Variants in PDGFD observed in about 807,000 individuals in gnomAD.
PDGFD encodes the protein platelet derived growth factor D.
A neutral mutation model predicts 44.7 loss-of-function variants in PDGFD; 30 were observed. The ratio of observed to expected loss-of-function variants is 0.67; its 90% CI spans 0.50 to 0.91. The LOEUF (loss-of-function observed/expected upper bound fraction) is 0.91. Among genes scored for constraint, PDGFD ranks in the 40% least tolerant of loss-of-function variants. PDGFD has a pLI of 0.00. For missense variants in PDGFD, 445 were observed against 457.8 expected, an observed-to-expected ratio of 0.97 and a Z score of 0.25; for synonymous variants, 173 against 168.4, an observed-to-expected ratio of 1.03 and a Z score of -0.21.
chr11:103,955,540 C>G (rs1858830007), intron 3 of PDGFD, among the ~76,000 whole-genome samples: 2 of 152,190 alleles, frequency 1.3e-5, no homozygotes, highest in Non-Finnish European at 1.5e-5. Flanking sequence ...AACAAGTATA[C>G]TTTCTTTACA....
intron 1 of PDGFD, among the ~76,000 whole-genome samples, chr11:104,109,622 G>C (rs1243310549): frequency 6.6e-6 from 1 of 152,042 alleles, no homozygotes; most frequent in East Asian, 1.9e-4. Context: ...TTGTAATAAT[G>C]AAAGACTGGA....
chr11:104,064,106 G>A (rs770946239), intron 1 of PDGFD, among the ~76,000 whole-genome samples: 7 of 152,134 alleles, frequency 4.6e-5, no homozygotes, highest in Non-Finnish European at 1.0e-4. Flanking sequence ...CATTCAGAGC[G>A]TCCAAAAATA....
intron 3 of PDGFD, among the ~76,000 whole-genome samples, chr11:103,951,720 G>A (rs1459296282): frequency 6.6e-6 from 1 of 152,026 alleles, no homozygotes; most frequent in Non-Finnish European, 1.5e-5. Flanking sequence ...CCAATGGCTG[G>A]CTCCTCATCA....
chr11:104,079,745 C>T (rs1269566913), intron 1 of PDGFD, among the ~76,000 whole-genome samples: 1 of 151,866 alleles, frequency 6.6e-6, no homozygotes, highest in African/African-American at 2.4e-5. Context: ...CTAGTTTTAC[C>T]AATACATCTA....
chr11:104,082,137 C>CATATAT (rs937501432), intron 1 of PDGFD, among the ~76,000 whole-genome samples: 3 of 123,222 alleles, frequency 2.4e-5, no homozygotes, highest in African/African-American at 1.0e-4. Context: ...TACATACATA[C>CATATAT]ATATATATAT....
At chr11:104,089,995 A>G (rs1281833445) in intron 1 of PDGFD, among the ~76,000 whole-genome samples, 2 of 152,164 alleles carry the variant, frequency 1.3e-5, no homozygotes, top group Non-Finnish European at 2.9e-5. Flanking sequence ...TCCTACCCCT[A>G]TCAATTAATG....
chr11:104,039,542 T>C (rs1482738527), intron 1 of PDGFD, among the ~76,000 whole-genome samples: 2 of 152,154 alleles, frequency 1.3e-5, no homozygotes, highest in Admixed American at 1.3e-4. Context: ...TTTTCTTCTC[T>C]ATAGGTGTTC....
At chr11:104,132,895 G>A (rs79849540) in intron 1 of PDGFD, among the ~76,000 whole-genome samples, 11,018 of 152,148 alleles carry the variant, frequency 0.072, 532 homozygotes, top group East Asian at 0.24. Context: ...GACTGTATTA[G>A]TTAGGATAGG....
chr11:104,160,771 G>A (rs558890718), intron 1 of PDGFD, among the ~76,000 whole-genome samples: 1 of 149,874 alleles, frequency 6.7e-6, no homozygotes, highest in South Asian at 2.2e-4. Context: ...CAGGTAGAAA[G>A]GCTCTGCAGA....
chr11:104,022,344 T>C (rs1201888905), intron 1 of PDGFD, among the ~76,000 whole-genome samples: 2 of 152,182 alleles, frequency 1.3e-5, no homozygotes, highest in Non-Finnish European at 2.9e-5. Flanking sequence ...AGATTAATAG[T>C]TGGACTCAAC....
At chr11:104,163,715 T>G in intron 1 of PDGFD, 89 bp downstream of exon 1, 1 of 1,401,290 alleles carries the variant, frequency 7.1e-7, no homozygotes, top group Non-Finnish European at 9.5e-7. Context: ...CATTCAAGAT[T>G]CAAAAAGAAA....
intron 1 of PDGFD, among the ~76,000 whole-genome samples, chr11:104,018,551 C>T (rs1048236064): frequency 6.6e-6 from 1 of 152,126 alleles, no homozygotes; most frequent in Non-Finnish European, 1.5e-5. Context: ...TGTTAGATTG[C>T]TTCTGTATAG....
At chr11:103,975,812 T>C (rs1161564629) in intron 3 of PDGFD, among the ~76,000 whole-genome samples, 1 of 152,070 alleles carries the variant, frequency 6.6e-6, no homozygotes, top group East Asian at 1.9e-4. Context: ...TGTAGAGGTG[T>C]GGTGTTTTTT....
chr11:104,037,312 A>G, intron 1 of PDGFD: 1 of 1,613,662 alleles, frequency 6.2e-7, no homozygotes, highest in Non-Finnish European at 8.5e-7. Context: ...CAAGGAACGC[A>G]ACCCTCCCTT....
At chr11:104,121,109 G>GT (rs1861772886) in intron 1 of PDGFD, among the ~76,000 whole-genome samples, 1 of 151,982 alleles carries the variant, frequency 6.6e-6, no homozygotes, top group African/African-American at 2.4e-5. Flanking sequence ...TGTCACCACT[G>GT]TTTTGTAGTC....
chr11:103,915,845 G>A (rs908383977), intron 6 of PDGFD, among the ~76,000 whole-genome samples: 2 of 152,152 alleles, frequency 1.3e-5, no homozygotes, highest in African/African-American at 4.8e-5. Context: ...ATGGAAAAAG[G>A]ATTCCCTATT....
At chr11:104,071,402 T>TAA (rs1463825269) in intron 1 of PDGFD, among the ~76,000 whole-genome samples, 1 of 151,362 alleles carries the variant, frequency 6.6e-6, no homozygotes, top group East Asian at 1.9e-4. Flanking sequence ...TATATATATA[T>TAA]AATATGGGTA....
intron 1 of PDGFD, among the ~76,000 whole-genome samples, chr11:104,034,325 C>G (rs1286554378): frequency 6.6e-6 from 1 of 151,902 alleles, no homozygotes; most frequent in Admixed American, 6.6e-5. Flanking sequence ...ACATGCTTCA[C>G]ATACACTGGG....
intron 1 of PDGFD, among the ~76,000 whole-genome samples, chr11:104,062,162 C>T (rs1565324280): frequency 6.6e-6 from 1 of 152,170 alleles, no homozygotes; most frequent in South Asian, 2.1e-4. Context: ...TAAAGGGTAG[C>T]AACTTCTGAC....
Sources: gnomAD v4.1 joint callset for allele counts (sites outside exome capture counted in the v4.1 genomes callset) on GRCh38, gnomAD v4.1.1 for gene constraint, MANE v1.5 for transcripts, NCBI Gene and HGNC (gene_info 2026-07-23, HGNC 2026-07-21) for gene names.